Variants in ENTREP2 observed in about 807,000 individuals in gnomAD.
ENTREP2 encodes protein ENTREP2.
chr15:29,347,207 C>G, the ENTREP2 span, among the ~76,000 whole-genome samples: 4 of 152,068 alleles, frequency 2.6e-5, no homozygotes, highest in Admixed American at 2.0e-4. Context: ...CAAGATCTTG[C>G]TTTGTCACCC....
chr15:29,634,989 C>T, the ENTREP2 span, among the ~76,000 whole-genome samples: 38 of 152,244 alleles, frequency 2.5e-4, no homozygotes, highest in African/African-American at 8.2e-4. Flanking sequence ...GGACTACAGG[C>T]GCCTGCCACC....
chr15:29,618,544 A>G, the ENTREP2 span, among the ~76,000 whole-genome samples: 3 of 152,154 alleles, frequency 2.0e-5, no homozygotes, highest in African/African-American at 7.2e-5. Context: ...GTTGCCAGCC[A>G]CTAATAGAAC....
At chr15:29,319,264 T>A in the ENTREP2 span, among the ~76,000 whole-genome samples, 6,191 of 152,128 alleles carry the variant, frequency 0.041, 406 homozygotes, top group African/African-American at 0.14. Flanking sequence ...TAGAGACCAG[T>A]GGAGAGAAAG....
At chr15:29,234,158 C>A in the ENTREP2 span, 1 of 1,585,104 alleles carries the variant, frequency 6.3e-7, no homozygotes, top group Non-Finnish European at 8.7e-7. Flanking sequence ...TTCTCGTTCA[C>A]TCTCAGGCCT....
chr15:29,364,514 G>A, the ENTREP2 span, among the ~76,000 whole-genome samples: 1 of 152,162 alleles, frequency 6.6e-6, no homozygotes, highest in South Asian at 2.1e-4. Flanking sequence ...CTGCTGTGAC[G>A]TCCTTCCATT....
the ENTREP2 span, among the ~76,000 whole-genome samples, chr15:29,207,586 T>C: frequency 1.3e-5 from 2 of 152,090 alleles, no homozygotes; most frequent in African/African-American, 4.8e-5. Flanking sequence ...TGGTGCATTT[T>C]ACAGAGCGCT....
the ENTREP2 span, among the ~76,000 whole-genome samples, chr15:29,521,318 A>G: frequency 4.6e-5 from 7 of 152,218 alleles, no homozygotes; most frequent in African/African-American, 1.4e-4. Context: ...CAGAAATTCA[A>G]AGGATATAGC....
chr15:29,438,832 G>A, the ENTREP2 span, among the ~76,000 whole-genome samples: 1 of 152,294 alleles, frequency 6.6e-6, no homozygotes, highest in South Asian at 2.1e-4. Flanking sequence ...TGCATGCCAT[G>A]AGACAGAGGA....
chr15:29,169,027 T>C, the ENTREP2 span, among the ~76,000 whole-genome samples: 1,711 of 152,334 alleles, frequency 0.011, 39 homozygotes, highest in African/African-American at 0.038. Flanking sequence ...AGAAGAAAAC[T>C]ATTTGCCATT....
the ENTREP2 span, chr15:29,613,815 C>A: frequency 6.2e-6 from 1 of 162,562 alleles, no homozygotes; most frequent in South Asian, 1.7e-4. Flanking sequence ...GCCTCCAGTT[C>A]TTCATGGCTA....
At chr15:29,207,457 G>C in the ENTREP2 span, among the ~76,000 whole-genome samples, 332 of 30,318 alleles carry the variant, frequency 0.011, 4 homozygotes, top group Non-Finnish European at 0.025. Flanking sequence ...TTGGGGGGCG[G>C]GGGGGGTGGC....
chr15:29,467,531 G>A, the ENTREP2 span, among the ~76,000 whole-genome samples: 1 of 152,164 alleles, frequency 6.6e-6, no homozygotes, highest in African/African-American at 2.4e-5. Context: ...AGTGTGAGAT[G>A]CAGGTTAAGA....
At chr15:29,446,165 C>A in the ENTREP2 span, among the ~76,000 whole-genome samples, 3 of 152,208 alleles carry the variant, frequency 2.0e-5, no homozygotes, top group Non-Finnish European at 2.9e-5. Flanking sequence ...ACTGAATCTG[C>A]CAGCACCTTG....
At chr15:29,268,146 T>G in the ENTREP2 span, 1 of 152,150 alleles carries the variant, frequency 6.6e-6, no homozygotes, top group Non-Finnish European at 1.5e-5. Context: ...AAACACACAA[T>G]GCTTAAGTGC....
chr15:29,578,227 C>T, the ENTREP2 span, among the ~76,000 whole-genome samples: 26 of 152,122 alleles, frequency 1.7e-4, no homozygotes, highest in African/African-American at 5.3e-4. Flanking sequence ...CTGGAATGAA[C>T]GTAAAATGCT....
the ENTREP2 span, among the ~76,000 whole-genome samples, chr15:29,172,570 G>A: frequency 3.3e-5 from 5 of 152,112 alleles, no homozygotes; most frequent in Non-Finnish European, 7.4e-5. Flanking sequence ...CCGGGGTGAT[G>A]AGAGGCCTGG....
At chr15:29,613,881 C>A in the ENTREP2 span, 1 of 167,722 alleles carries the variant, frequency 6.0e-6, no homozygotes. Context: ...TCACCATGCC[C>A]AAACTCACCC....
At chr15:29,197,550 A>C in the ENTREP2 span, among the ~76,000 whole-genome samples, 1 of 152,084 alleles carries the variant, frequency 6.6e-6, no homozygotes, top group African/African-American at 2.4e-5. Flanking sequence ...GGCAGATCAC[A>C]AGGTTAGGAG....
At chr15:29,630,587 A>G in the ENTREP2 span, among the ~76,000 whole-genome samples, 1 of 152,128 alleles carries the variant, frequency 6.6e-6, no homozygotes, top group Non-Finnish European at 1.5e-5. Flanking sequence ...ATTTTCTCCT[A>G]TCCTGGAACT....
Sources: gnomAD v4.1 joint callset for allele counts (sites outside exome capture counted in the v4.1 genomes callset) on GRCh38, gnomAD v4.1.1 for gene constraint, MANE v1.5 for transcripts, NCBI Gene and HGNC (gene_info 2026-07-23, HGNC 2026-07-21) for gene names.